The following SHISA6 variants were observed in gnomAD, a reference collection of about 807,000 sequenced individuals.
SHISA6 encodes the protein protein shisa-6.
Under a neutral mutation model 47.9 loss-of-function variants are expected in SHISA6, and 22 were observed. The observed-to-expected ratio is 0.46, with a 90% confidence interval of 0.33 to 0.66. The LOEUF (loss-of-function observed/expected upper bound fraction) is 0.66. SHISA6 is among the 30% of genes least tolerant of loss of function. The pLI, the probability that SHISA6 is intolerant of heterozygous loss-of-function variation, is 0.02. For synonymous variants in SHISA6, 388 were observed against 337.8 expected, an observed-to-expected ratio of 1.15 and a Z score of -1.63; for missense variants, 680 against 764.6, an observed-to-expected ratio of 0.89 and a Z score of 1.30.
intron 3 of SHISA6, among the ~76,000 whole-genome samples, chr17:11,530,267 C>CCA (rs530530442): frequency 0.015 from 2,303 of 151,502 alleles, 47 homozygotes; most frequent in African/African-American, 0.053. Flanking sequence ...GGTTAAAAAA[C>CCA]CACACACACA....
intron 3 of SHISA6, among the ~76,000 whole-genome samples, chr17:11,395,942 A>T (rs763501467): frequency 1.3e-5 from 2 of 152,204 alleles, no homozygotes; most frequent in Non-Finnish European, 2.9e-5. Context: ...GTTAGTGGAA[A>T]TCCCTCCAGA....
intron 3 of SHISA6, among the ~76,000 whole-genome samples, chr17:11,493,574 T>A (rs2908975): frequency 2.6e-5 from 1 of 38,322 alleles, no homozygotes; most frequent in South Asian, 8.8e-4. Flanking sequence ...GATACACGCG[T>A]GCGCGCGCAC....
chr17:11,413,618 A>G (rs1914199051), intron 3 of SHISA6, among the ~76,000 whole-genome samples: 2 of 152,104 alleles, frequency 1.3e-5, no homozygotes, highest in South Asian at 4.1e-4. Context: ...GGAGGTTGGC[A>G]GACTGGATCA....
At chr17:11,317,208 C>G (rs1191889812) in intron 2 of SHISA6, among the ~76,000 whole-genome samples, 2 of 151,948 alleles carry the variant, frequency 1.3e-5, no homozygotes, top group Non-Finnish European at 2.9e-5. Context: ...TGTCTTTTGT[C>G]ATAATTGTAG....
chr17:11,284,301 A>G (rs947452063), intron 2 of SHISA6, among the ~76,000 whole-genome samples: 3 of 152,194 alleles, frequency 2.0e-5, no homozygotes, highest in Non-Finnish European at 4.4e-5. Flanking sequence ...GTTGCTCAGC[A>G]ACACCTTCAG....
chr17:11,413,784 T>G (rs1914204088), intron 3 of SHISA6, among the ~76,000 whole-genome samples: 1 of 152,094 alleles, frequency 6.6e-6, no homozygotes. Flanking sequence ...ACTGGAACAT[T>G]GCGTTGCCTC....
intron 2 of SHISA6, among the ~76,000 whole-genome samples, chr17:11,335,884 T>G (rs537241599): frequency 6.6e-6 from 1 of 152,092 alleles, no homozygotes; most frequent in Non-Finnish European, 1.5e-5. Context: ...AAATGACATA[T>G]GCGAGTTATG....
intron 2 of SHISA6, among the ~76,000 whole-genome samples, chr17:11,336,525 G>A (rs9303037): frequency 0.54 from 81,340 of 151,874 alleles, 22,654 homozygotes; most frequent in African/African-American, 0.69. Context: ...CTCACCTGCC[G>A]CCCCTGGCTG....
chr17:11,558,075 C>CAAG lies in SHISA6; in HGVS notation c.1427_1428insAAG (p.Ser476_His477insArg). On this transcript the variant is annotated inframe_insertion, in exon 6 of 6. Transcript: ENST00000441885. ...GAGCAGTCGCTGTCCAGGGCCATCTCGCACACGGACGTCTTTGTGTCCACA... is the reference window on the plus strand; with the variant it reads ...GAGCAGTCGCTGTCCAGGGCCATCTCAAGGCACACGGACGTCTTTGTGTCCACA... 6.4e-7 allele frequency: 1 copy of CAAG among 1,551,642 alleles called. No individual in the cohort carries two copies. The highest frequency in any genetic ancestry group is 8.7e-7 in the Non-Finnish European group (1 of 1,147,006).
chr17:11,250,921 G>A (rs1418068490), intron 1 of SHISA6, among the ~76,000 whole-genome samples: 10 of 152,030 alleles, frequency 6.6e-5, no homozygotes, highest in Admixed American at 6.5e-4. Flanking sequence ...AGAGTGCCGG[G>A]TCTCGAGGGC....
chr17:11,544,637 A>G (rs2071866072), intron 3 of SHISA6, among the ~76,000 whole-genome samples: 1 of 152,194 alleles, frequency 6.6e-6, no homozygotes, highest in South Asian at 2.1e-4. Context: ...TACAGTCACT[A>G]TGGAAAACAG....
intron 3 of SHISA6, among the ~76,000 whole-genome samples, chr17:11,503,332 G>C (rs114244505): frequency 3.3e-4 from 50 of 150,422 alleles, no homozygotes; most frequent in African/African-American, 1.2e-3. Context: ...TAACTTAAAC[G>C]AAGCAAAAAC....
At chr17:11,444,244 G>T (rs11655111) in intron 3 of SHISA6, among the ~76,000 whole-genome samples, 1 of 152,046 alleles carries the variant, frequency 6.6e-6, no homozygotes, top group East Asian at 1.9e-4. Context: ...ACTTGAGCCC[G>T]GGAGGTAGAG....
intron 2 of SHISA6, chr17:11,288,363 T>G (rs781486984): frequency 6.6e-6 from 1 of 152,204 alleles, no homozygotes; most frequent in Non-Finnish European, 1.5e-5. Context: ...ACAAAATTTT[T>G]TTCACACCTA....
At chr17:11,396,984 G>T (rs1913592622) in intron 3 of SHISA6, among the ~76,000 whole-genome samples, 1 of 152,104 alleles carries the variant, frequency 6.6e-6, no homozygotes, top group Non-Finnish European at 1.5e-5. Flanking sequence ...TGGCTCTCTG[G>T]TTTTTGTAGG....
At chr17:11,339,930 G>C (rs1469794533) in intron 2 of SHISA6, among the ~76,000 whole-genome samples, 2 of 152,092 alleles carry the variant, frequency 1.3e-5, no homozygotes, top group African/African-American at 2.4e-5. Context: ...AAAAGAACCA[G>C]GTATTCAAGA....
chr17:11,453,778 T>A (rs80262806), intron 3 of SHISA6, among the ~76,000 whole-genome samples: 3 of 152,220 alleles, frequency 2.0e-5, no homozygotes, highest in African/African-American at 7.2e-5. Context: ...AAAGGCATTA[T>A]GCGAGATGCA....
intron 3 of SHISA6, among the ~76,000 whole-genome samples, chr17:11,511,275 G>A (rs2142354767): frequency 6.6e-6 from 1 of 152,134 alleles, no homozygotes; most frequent in Non-Finnish European, 1.5e-5. Context: ...TCACACACTG[G>A]GGCCTGTCAA....
chr17:11,458,819 T>G (rs1915618911), intron 3 of SHISA6, among the ~76,000 whole-genome samples: 1 of 152,160 alleles, frequency 6.6e-6, no homozygotes, highest in Admixed American at 6.5e-5. Flanking sequence ...ACTTAACCTC[T>G]CTGGGTCCCG....
Sources: gnomAD v4.1 joint callset for allele counts (sites outside exome capture counted in the v4.1 genomes callset) on GRCh38, gnomAD v4.1.1 for gene constraint, MANE v1.5 for transcripts, NCBI Gene and HGNC (gene_info 2026-07-23, HGNC 2026-07-21) for gene names.